UQCRC2: variants seen among roughly 807,000 people sequenced by gnomAD.
The protein encoded by UQCRC2 is cytochrome b-c1 complex subunit 2, mitochondrial.
UQCRC2 carries 49 observed loss-of-function variants against 55.6 expected under a neutral mutation model. That is an observed-to-expected ratio of 0.88 (90% confidence interval 0.70 to 1.12). The LOEUF (loss-of-function observed/expected upper bound fraction) is 1.12. Ranked by LOEUF, UQCRC2 falls within the 50% of genes most tolerant of loss-of-function variation. The pLI is 0.00. For missense variants in UQCRC2, 506 were observed against 547.8 expected, an observed-to-expected ratio of 0.92 and a Z score of 0.76; for synonymous variants, 193 against 192.0, an observed-to-expected ratio of 1.01 and a Z score of -0.04.
At chr16:21,960,911 G>A (rs1327637477) in intron 4 of UQCRC2, among the ~76,000 whole-genome samples, 1 of 151,994 alleles carries the variant, frequency 6.6e-6, no homozygotes, top group Non-Finnish European at 1.5e-5. Flanking sequence ...CCTTATTGCA[G>A]CCTTGAACTC....
At chr16:21,974,099 A>G (rs974136561) in intron 11 of UQCRC2, 123 bp downstream of exon 11, 24 of 798,938 alleles carry the variant, frequency 3.0e-5, no homozygotes, top group African/African-American at 1.6e-4. Context: ...AGAGCTCTGT[A>G]TAGTATGATG....
At chr16:21,975,025 G>A (rs185328480) in intron 11 of UQCRC2, among the ~76,000 whole-genome samples, 42 of 152,054 alleles carry the variant, frequency 2.8e-4, no homozygotes, top group East Asian at 1.9e-4. Context: ...TGAAATCAGC[G>A]ACCACAAATT....
Position 21,968,555 on chromosome 16 carries a change from C to T in UQCRC2, c.613-73C>T, listed in dbSNP as rs1898382804. 37 of 1,380,728 alleles carry T rather than the reference C, an allele frequency of 2.7e-5. No individual in the cohort carries two copies. The South Asian group carries it at 5.1e-4, about 19-fold the overall frequency. 85.5% of individuals were successfully genotyped at this position (1,380,728 alleles called of 1,614,324 possible). ...TTATAAGTATTTATTTTCTTCCAAA[C>T]TGTACTTTTATGTTTTTACAGCTTT... On this transcript the variant is annotated intron_variant, in intron 7 of 13. Transcript: ENST00000268379.
intron 11 of UQCRC2, among the ~76,000 whole-genome samples, chr16:21,975,877 G>C (rs961719992): frequency 2.0e-5 from 3 of 152,140 alleles, no homozygotes; most frequent in Non-Finnish European, 4.4e-5. Context: ...GATCACTTGA[G>C]CCCACACATC....
At chr16:21,965,310 A>T (rs759310631) in intron 6 of UQCRC2, 98 bp from the exon 7 acceptor site, 33 of 1,136,914 alleles carry the variant, frequency 2.9e-5, no homozygotes, top group Middle Eastern at 4.2e-4. Flanking sequence ...ATGCCAGAAG[A>T]TGACCAAATT....
At chr16:21,965,854 G>A (rs1042024588) in intron 7 of UQCRC2, among the ~76,000 whole-genome samples, 1 of 151,990 alleles carries the variant, frequency 6.6e-6, no homozygotes, top group Admixed American at 6.6e-5. Context: ...TATCTTTTTT[G>A]TTTGTTTGTT....
At chr16:21,982,385 A>G (rs968158258) in intron 13 of UQCRC2, among the ~76,000 whole-genome samples, 4 of 152,146 alleles carry the variant, frequency 2.6e-5, no homozygotes, top group African/African-American at 7.2e-5. Context: ...TTAACAATCA[A>G]TGTATTTTTA....
In UQCRC2 at chr16:21,969,094, G is replaced by C. The variant is rs1597960531; in HGVS notation, c.670+409G>C. ...AATGATCAGCCTCACTAATAATTAA[G>C]AAAATTTTAATCTGTGATGTTGGCA... On this transcript the variant is annotated intron_variant, in intron 8 of 13. Transcript: ENST00000268379. 3.3e-5 allele frequency among the ~76,000 whole-genome samples: 5 copies of C among 152,238 alleles called. No individual in the cohort carries two copies. The South Asian group carries it at 1.0e-3, about 32-fold the overall frequency.
chr16:21,976,080 T>A, intron 11 of UQCRC2, 87 bp from the exon 12 acceptor site: 2 of 826,916 alleles, frequency 2.4e-6, no homozygotes, highest in Non-Finnish European at 4.1e-6. Context: ...CTTCCATCTG[T>A]GTTTTTGCCT....
chr16:21,962,729 A>T (rs1431427678), intron 5 of UQCRC2, 32 bp from the exon 6 acceptor site: 20 of 1,612,884 alleles, frequency 1.2e-5, no homozygotes, highest in Non-Finnish European at 1.7e-5. Flanking sequence ...TACATTTTTG[A>T]CTCATAATTC....
rs67999727 is a variant in UQCRC2, at chr16:21,961,626, TTATATATATATATATATATATA to T, written c.333-812_333-791del. 1.2e-3 allele frequency among the ~76,000 whole-genome samples: 79 copies of T among 64,484 alleles called. 6 individuals are homozygous for T. The highest frequency in any genetic ancestry group is 8.9e-3 in the South Asian group (18 of 2,014). 42.3% of individuals were successfully genotyped at this position (64,484 alleles called of 152,430 possible). A position where few individuals can be genotyped will look rare whatever the true frequency, so the allele number is the denominator to read the frequency against. On this transcript the variant is annotated intron_variant, in intron 4 of 13. Transcript: ENST00000268379. The stretch of plus-strand genomic sequence containing the variant: ...TGGTCAAATGTATATAACATAAAAT[TTATATATATATATATATATATA>T]TATATATATATATATATATATTTTA...
intron 6 of UQCRC2, among the ~76,000 whole-genome samples, chr16:21,964,013 C>T (rs1255229726): frequency 2.0e-5 from 3 of 151,966 alleles, no homozygotes; most frequent in South Asian, 2.1e-4. Context: ...TGTAAGCAAG[C>T]GCCGCTGACT....
Position 21,976,214 on chromosome 16 carries a change from C to T in UQCRC2, c.1095C>T (p.Asn365=), listed in dbSNP as rs750057973. The change falls in exon 12 of 14, where the codon AAC becomes AAT. Residue 365 remains asparagine, a synonymous_variant. Coordinates refer to ENST00000268379, the MANE Select transcript of UQCRC2 (RefSeq NM_003366.4). Reference sequence around the variant, plus strand: ...AAGTAAAAACAATAGCTCAAGGAAACCTTTCCAACACAGATGTCCAAGCTG... The same window carrying T: ...AAGTAAAAACAATAGCTCAAGGAAATCTTTCCAACACAGATGTCCAAGCTG... ...YNQVKTIAQG[N]LSNTDVQAAK... is the part of the protein sequence containing the mutation. The T allele has an allele frequency of 1.2e-6, 2 of 1,613,898 alleles. No individual in the cohort carries two copies. Among genetic ancestry groups the T allele is most frequent in the Non-Finnish European group, 8.5e-7 (1 of 1,179,912 alleles).
chr16:21,957,530 A>C lies in UQCRC2; in HGVS notation c.231A>C (p.Leu77Phe), dbSNP rs753927932. Residue 77 changes from leucine (L) to phenylalanine (F), a missense_variant, in exon 3 of 14, where the codon TTA becomes TTC. Transcript: ENST00000268379. Reference sequence around the variant, plus strand: ...GTAGATATGAGGACTTCAGCAATTTAGGAACCACCCATTTGCTGCGTCTTA... The same window carrying C: ...GTAGATATGAGGACTTCAGCAATTTCGGAACCACCCATTTGCTGCGTCTTA... ...AGSRYEDFSN[L>F]GTTHLLRLTS... The C allele has an allele frequency of 6.2e-7, 1 of 1,614,172 alleles. No individual in the cohort carries two copies. Among genetic ancestry groups the C allele is most frequent in the Non-Finnish European group, 8.5e-7 (1 of 1,180,020 alleles).
intron 1 of UQCRC2, among the ~76,000 whole-genome samples, chr16:21,955,987 C>T (rs889916908): frequency 3.3e-5 from 5 of 151,888 alleles, no homozygotes; most frequent in Admixed American, 1.3e-4. Flanking sequence ...CACCACGCCC[C>T]GCTTATTTTG....
Position 21,962,444 on chromosome 16 carries a change from T to C in UQCRC2, c.333-16T>C. The C allele has an allele frequency of 6.2e-7, 1 of 1,614,078 alleles. No individual in the cohort carries two copies. The highest frequency in any genetic ancestry group is 8.5e-7 in the Non-Finnish European group (1 of 1,179,936). ...CCTGATTCAGATGATTTACTCTAGT[T>C]TATTTTCCGATTCAGTGTGACCGCA... On this transcript the variant is annotated splice_polypyrimidine_tract_variant and intron_variant, in intron 4 of 13. Coordinates refer to ENST00000268379, the MANE Select transcript of UQCRC2 (RefSeq NM_003366.4).
Position 21,962,799 on chromosome 16 carries a change from C to A in UQCRC2, c.428C>A (p.Ala143Glu), listed in dbSNP as rs749115949. 1 of 1,613,988 alleles carries A rather than the reference C, an allele frequency of 6.2e-7. No homozygotes were observed. Among genetic ancestry groups the A allele is most frequent in the Non-Finnish European group, 8.5e-7 (1 of 1,180,034 alleles). The change falls in exon 6 of 14, where the codon GCA becomes GAA. Residue 143 changes from alanine (A) to glutamate (E), a missense_variant. By Grantham distance (107) the Ala-to-Glu change is moderately radical (BLOSUM62 -1). Transcript: ENST00000268379. ...LMEFLLNVTT[A>E]PEFRRWEVAD... ...GAGTTCCTGCTCAATGTCACCACAG[C>A]ACCAGAATTTCGTCGTTGGGAAGTA...
In UQCRC2 at chr16:21,983,235, A is replaced by G; in HGVS notation, c.*64A>G. On this transcript the variant is annotated 3_prime_UTR_variant, in exon 14 of 14. Transcript: ENST00000268379. Reference sequence around the variant, plus strand: ...CTCAGCCCAGAGCAGCAAACACATGAAAGTCAGAAGTCTCTAATATATCAT... The same window carrying G: ...CTCAGCCCAGAGCAGCAAACACATGGAAGTCAGAAGTCTCTAATATATCAT... 6.9e-7 allele frequency: 1 copy of G among 1,458,532 alleles called. No individual in the cohort carries two copies. Among genetic ancestry groups the G allele is most frequent in the Non-Finnish European group, 9.5e-7 (1 of 1,052,988 alleles). 90.3% of individuals were successfully genotyped at this position (1,458,532 alleles called of 1,614,324 possible). A position where few individuals can be genotyped will look rare whatever the true frequency, so the allele number is the denominator to read the frequency against.
intron 12 of UQCRC2, among the ~76,000 whole-genome samples, chr16:21,979,603 G>A (rs1217046066): frequency 1.3e-5 from 2 of 152,084 alleles, no homozygotes; most frequent in Admixed American, 1.3e-4. Flanking sequence ...TAAAAATACA[G>A]CACAAAAGAT....
Sources: gnomAD v4.1 joint callset for allele counts (sites outside exome capture counted in the v4.1 genomes callset) on GRCh38, gnomAD v4.1.1 for gene constraint, MANE v1.5 for transcripts, NCBI Gene and HGNC (gene_info 2026-07-23, HGNC 2026-07-21) for gene names.